Variants in MACROD2 observed in about 807,000 individuals in gnomAD.
MACROD2 encodes the protein mono-ADP ribosylhydrolase 2, also known as ADP-ribose glycohydrolase MACROD2.
Under a neutral mutation model 70.4 loss-of-function variants are expected in MACROD2, and 36 were observed. The observed-to-expected ratio is 0.51, with a 90% confidence interval of 0.39 to 0.68. MACROD2 has a LOEUF of 0.68. MACROD2 is among the 30% of genes least tolerant of loss of function. The probability of loss-of-function intolerance (pLI) is 0.00; values close to 1 mark genes in which losing one functional copy is unlikely to be tolerated. For missense variants in MACROD2, 496 were observed against 538.4 expected (o/e 0.92, Z 0.78); for synonymous variants, 172 against 178.8 (o/e 0.96, Z 0.30).
At position 15,777,637 on chromosome 20, in the gene MACROD2, CCTCT is replaced by C. The variant is rs752086141; in HGVS notation, c.646-85093_646-85090del. Among the ~76,000 whole-genome samples, 18 of 90,056 alleles carry C rather than the reference CCTCT, an allele frequency of 2.0e-4. 1 individual carries two copies. Among genetic ancestry groups the C allele is most frequent in the South Asian group, 1.1e-3 (3 of 2,668 alleles). 59.1% of individuals were successfully genotyped at this position (90,056 alleles called of 152,430 possible). A position where few individuals can be genotyped will look rare whatever the true frequency, so the allele number is the denominator to read the frequency against. On this transcript the variant is annotated intron_variant, in intron 8 of 17. Transcript: ENST00000684519. ...TCTCTCCCTCCCTCCCTCCTTCCTTCCTCTCTCTCTCTCTCTCTTTCTTTCGAGA... is the reference window on the plus strand; with the variant it reads ...TCTCTCCCTCCCTCCCTCCTTCCTTCCTCTCTCTCTCTCTTTCTTTCGAGA...
At chr20:14,728,845 A>G (rs1254773240) in intron 5 of MACROD2, among the ~76,000 whole-genome samples, 2 of 152,182 alleles carry the variant, frequency 1.3e-5, no homozygotes, top group Non-Finnish European at 2.9e-5. Flanking sequence ...GCATATGAGC[A>G]TAAATAAAGT....
intron 5 of MACROD2, among the ~76,000 whole-genome samples, chr20:14,711,165 G>A (rs558647720): frequency 6.6e-6 from 1 of 152,230 alleles, no homozygotes; most frequent in Non-Finnish European, 1.5e-5. Flanking sequence ...CTCTGGAGTG[G>A]GTCATGAGTT....
At chr20:15,506,418 C>T (rs1035522391) in intron 8 of MACROD2, among the ~76,000 whole-genome samples, 3 of 152,192 alleles carry the variant, frequency 2.0e-5, no homozygotes, top group African/African-American at 4.8e-5. Flanking sequence ...TTGACAAGAT[C>T]GAGAACACAG....
chr20:14,937,796 G>A (rs2074353810), intron 5 of MACROD2, among the ~76,000 whole-genome samples: 1 of 152,062 alleles, frequency 6.6e-6, no homozygotes. Flanking sequence ...CTATGAAACT[G>A]TATATTTGTA....
At chr20:14,552,873 A>G (rs935529834) in intron 4 of MACROD2, among the ~76,000 whole-genome samples, 1 of 152,148 alleles carries the variant, frequency 6.6e-6, no homozygotes, top group Admixed American at 6.6e-5. Flanking sequence ...GTTGCTTTGG[A>G]TGAGTCAGTG....
At chr20:15,011,540 T>C (rs1456385869) in intron 5 of MACROD2, among the ~76,000 whole-genome samples, 1 of 152,162 alleles carries the variant, frequency 6.6e-6, no homozygotes, top group Non-Finnish European at 1.5e-5. Context: ...CCCCAAGTTC[T>C]TTTTGCCACT....
At chr20:15,959,723 G>A (rs917195272) in intron 12 of MACROD2, among the ~76,000 whole-genome samples, 9 of 151,890 alleles carry the variant, frequency 5.9e-5, no homozygotes, top group Admixed American at 1.3e-4. Flanking sequence ...TAGTAGAAGC[G>A]GGGTTTCACT....
rs565170803 is a variant in MACROD2, at chr20:15,112,576, G to A, written c.419-117364G>A. On this transcript the variant is annotated intron_variant, in intron 5 of 17. Transcript: ENST00000684519. ...TACAACTAAGAAATGGTAAAACCCA[G>A]ACTGGAACTCAGTAAATTTGATATC... Among the ~76,000 whole-genome samples, 7 of 152,184 alleles carry A rather than the reference G, an allele frequency of 4.6e-5. 1 individual carries two copies. The highest frequency in any genetic ancestry group is 4.6e-4 in the Admixed American group (7 of 15,290).
chr20:15,970,795 A>G (rs1485661696), intron 13 of MACROD2, among the ~76,000 whole-genome samples: 2 of 152,184 alleles, frequency 1.3e-5, no homozygotes, highest in Non-Finnish European at 2.9e-5. Context: ...TGGAGCTTAC[A>G]TAGGGCTAGA....
intron 5 of MACROD2, among the ~76,000 whole-genome samples, chr20:15,224,711 A>G (rs1035699477): frequency 6.6e-6 from 1 of 152,098 alleles, no homozygotes; most frequent in Non-Finnish European, 1.5e-5. Context: ...TTGGGAGACC[A>G]AGGTGGGTGG....
At chr20:14,284,108 G>C (rs909730067) in intron 3 of MACROD2, among the ~76,000 whole-genome samples, 2 of 152,138 alleles carry the variant, frequency 1.3e-5, no homozygotes, top group Non-Finnish European at 2.9e-5. Context: ...AAAAAATAAA[G>C]CTTTCTTTCC....
rs904364973 is a variant in MACROD2, at chr20:14,249,574, C to T, written c.271+163846C>T. On this transcript the variant is annotated intron_variant, in intron 3 of 17. Transcript: ENST00000684519. ...TCTCCAGCATCAAAATTAGAGGGCCCAAAGACATAATTCAGAAGTTTGGGA... is the reference window on the plus strand; with the variant it reads ...TCTCCAGCATCAAAATTAGAGGGCCTAAAGACATAATTCAGAAGTTTGGGA... 2.4e-4 allele frequency among the ~76,000 whole-genome samples: 37 copies of T among 151,924 alleles called. 1 individual carries two copies. Among genetic ancestry groups the T allele is most frequent in the African/African-American group, 9.0e-4 (37 of 41,340 alleles).
intron 3 of MACROD2, among the ~76,000 whole-genome samples, chr20:14,146,763 G>A (rs1329296681): frequency 2.0e-5 from 3 of 152,150 alleles, no homozygotes; most frequent in African/African-American, 4.8e-5. Context: ...GATGAAGGAA[G>A]GTTCATCAAG....
At chr20:14,980,694 T>C (rs2074789021) in intron 5 of MACROD2, among the ~76,000 whole-genome samples, 1 of 152,180 alleles carries the variant, frequency 6.6e-6, no homozygotes, top group Non-Finnish European at 1.5e-5. Context: ...CATTATTCTT[T>C]ACCTTGGTGG....
At chr20:14,839,255 G>C (rs561680921) in intron 5 of MACROD2, among the ~76,000 whole-genome samples, 17 of 152,172 alleles carry the variant, frequency 1.1e-4, no homozygotes, top group African/African-American at 3.6e-4. Context: ...GTTGTAGATT[G>C]ATTTGCATTT....
intron 5 of MACROD2, among the ~76,000 whole-genome samples, chr20:15,123,567 G>T (rs2076045730): frequency 6.6e-6 from 1 of 150,492 alleles, no homozygotes; most frequent in Non-Finnish European, 1.5e-5. Context: ...TTAATATTTT[G>T]GATATATTAT....
chr20:15,948,650 A>G (rs2065863055), intron 12 of MACROD2, among the ~76,000 whole-genome samples: 1 of 152,124 alleles, frequency 6.6e-6, no homozygotes, highest in Non-Finnish European at 1.5e-5. Flanking sequence ...CCCCTCTAAG[A>G]GAATAAAATA....
intron 3 of MACROD2, among the ~76,000 whole-genome samples, chr20:14,099,436 C>T (rs1374649597): frequency 6.6e-6 from 1 of 152,068 alleles, no homozygotes; most frequent in Non-Finnish European, 1.5e-5. Context: ...TATATATATT[C>T]TTTAGTGTTT....
chr20:14,751,186 C>T (rs1224956044), intron 5 of MACROD2, among the ~76,000 whole-genome samples: 1 of 152,144 alleles, frequency 6.6e-6, no homozygotes, highest in African/African-American at 2.4e-5. Context: ...CCTTGGGCTT[C>T]CTTACTGGCC....
Sources: allele counts gnomAD v4.1 joint callset (sites outside exome capture counted in the v4.1 genomes callset), GRCh38; gene constraint gnomAD v4.1.1; transcripts MANE v1.5; gene names NCBI Gene and HGNC (gene_info 2026-07-23, HGNC 2026-07-21).